The following DPP10 variants were observed in gnomAD, a reference collection of about 807,000 sequenced individuals.
DPP10 encodes the protein dipeptidyl peptidase like 10, also known as inactive dipeptidyl peptidase 10.
A neutral mutation model predicts 120.9 loss-of-function variants in DPP10; 33 were observed. The ratio of observed to expected loss-of-function variants is 0.27; its 90% CI spans 0.21 to 0.37. The LOEUF (loss-of-function observed/expected upper bound fraction) is 0.37. DPP10 is among the 10% of genes least tolerant of loss of function. The pLI, the probability that DPP10 is intolerant of heterozygous loss-of-function variation, is 1.00. For synonymous variants in DPP10, 337 were observed against 326.1 expected (o/e 1.03, Z -0.36); for missense variants, 816 against 942.8 (o/e 0.87, Z 1.76).
chr2:114,934,266 C>CT (rs1288595279), intron 1 of DPP10, among the ~76,000 whole-genome samples: 4 of 152,146 alleles, frequency 2.6e-5, no homozygotes, highest in Admixed American at 2.0e-4. Context: ...AACTTAACTA[C>CT]TAATAGCCTC....
Sources: allele counts gnomAD v4.1 joint callset (sites outside exome capture counted in the v4.1 genomes callset), GRCh38; gene constraint gnomAD v4.1.1; transcripts MANE v1.5; gene names NCBI Gene and HGNC (gene_info 2026-07-23, HGNC 2026-07-21).